The following SLC20A2 variants were observed in gnomAD, a reference collection of about 807,000 sequenced individuals.
SLC20A2 encodes the protein solute carrier family 20 member 2, also known as sodium-dependent phosphate transporter 2.
In SLC20A2, 30 loss-of-function variants were observed where a neutral mutation model predicts 61.0. That is an observed-to-expected ratio of 0.49 (90% CI 0.37 to 0.67). The LOEUF is 0.67. Ranked by LOEUF, SLC20A2 falls within the 30% of genes least tolerant of loss-of-function variation. The pLI is 0.00. For missense variants in SLC20A2, 626 were observed against 866.4 expected, an observed-to-expected ratio of 0.72 and a Z score of 3.48; for synonymous variants, 351 against 353.3, an observed-to-expected ratio of 0.99 and a Z score of 0.07.
chr8:42,437,526 C>A lies in SLC20A2; in HGVS notation c.986G>T (p.Gly329Val), dbSNP rs1485119662. Residue 329 changes from glycine to valine, a missense_variant, in exon 8 of 11, where the codon GGC (glycine) becomes GTC (valine). Gly to Val is a moderately radical substitution (Grantham distance 109). Transcript: ENST00000520262. This position sits in a 1 kb window ranked among gnomAD's most constrained non-coding sequence, Gnocchi z 6.4. ...HGSVKSPISN[G>V]TFGFDGHTRS... Reference sequence around the variant, plus strand: ...GGTGTGGCCGTCGAAGCCGAAGGTGCCGTTGGAGATGGGCGATTTCACAGA... The same window carrying A: ...GGTGTGGCCGTCGAAGCCGAAGGTGACGTTGGAGATGGGCGATTTCACAGA... 1.5e-5 allele frequency: 24 copies of A among 1,613,786 alleles called. No individual in the cohort carries two copies. The highest frequency in any genetic ancestry group is 2.0e-5 in the Non-Finnish European group (24 of 1,179,978).
chr8:42,491,290 G>A (rs1297759503), intron 1 of SLC20A2, among the ~76,000 whole-genome samples: 3 of 151,986 alleles, frequency 2.0e-5, no homozygotes, highest in South Asian at 2.1e-4. Flanking sequence ...TGAGGCGGGC[G>A]ATCACCAGGT....
intron 1 of SLC20A2, among the ~76,000 whole-genome samples, chr8:42,497,605 A>G (rs1810018991): frequency 6.6e-6 from 1 of 152,044 alleles, no homozygotes; most frequent in African/African-American, 2.4e-5. Flanking sequence ...ACACACATAT[A>G]CTTGAAGAAC....
intron 1 of SLC20A2, among the ~76,000 whole-genome samples, chr8:42,479,092 G>A (rs1256428350): frequency 6.6e-6 from 1 of 152,316 alleles, no homozygotes; most frequent in East Asian, 1.9e-4. Flanking sequence ...GCCTGCTCCA[G>A]GGCCAGCCTA....
At chr8:42,449,408 C>T (rs923634358) in intron 5 of SLC20A2, among the ~76,000 whole-genome samples, 2 of 152,202 alleles carry the variant, frequency 1.3e-5, no homozygotes, top group Non-Finnish European at 2.9e-5. Context: ...ATTCCAAATT[C>T]CCAAAAGATT....
rs569699060 is a variant in SLC20A2, at chr8:42,455,876, T to C, written c.613+4020A>G. On this transcript the variant is annotated intron_variant, in intron 5 of 10. Coordinates refer to ENST00000520262, the MANE Select transcript of SLC20A2 (RefSeq NM_001257180.2). ...CATTGCCCTGCCTCAGTTTCCCACCTGTAAAATGAGGTTATTTGTATTGCC... is the reference window on the plus strand; with the variant it reads ...CATTGCCCTGCCTCAGTTTCCCACCCGTAAAATGAGGTTATTTGTATTGCC... Among the ~76,000 whole-genome samples the C allele has an allele frequency of 2.4e-4, 37 of 152,294 alleles. No individual in the cohort carries two copies. In the South Asian group the frequency reaches 7.7e-3, roughly 32 times the overall value.
intron 3 of SLC20A2, among the ~76,000 whole-genome samples, chr8:42,464,923 C>T (rs749015611): frequency 6.6e-6 from 1 of 151,988 alleles, no homozygotes; most frequent in Non-Finnish European, 1.5e-5. Flanking sequence ...TGCAGTGAGC[C>T]GAGATTGCGC....
chr8:42,508,478 C>A (rs1437373032), intron 1 of SLC20A2, among the ~76,000 whole-genome samples: 1 of 152,226 alleles, frequency 6.6e-6, no homozygotes, highest in Non-Finnish European at 1.5e-5. Flanking sequence ...GCAGCCTCCA[C>A]TTCCCAGGTT....
chr8:42,473,699 A>G (rs1807831885), intron 1 of SLC20A2, among the ~76,000 whole-genome samples: 1 of 152,188 alleles, frequency 6.6e-6, no homozygotes, highest in Non-Finnish European at 1.5e-5. Flanking sequence ...ATTATTGGAG[A>G]GCCAAGGCAC....
upstream of SLC20A2, chr8:42,502,442 G>A (rs1810385092): frequency 1.3e-5 from 2 of 152,228 alleles, no homozygotes; most frequent in Non-Finnish European, 2.9e-5. Context: ...CTTGCAGACA[G>A]GTATCCTGCA....
At chr8:42,509,938 T>C (rs1001079094) in intron 1 of SLC20A2, among the ~76,000 whole-genome samples, 1 of 152,200 alleles carries the variant, frequency 6.6e-6, no homozygotes, top group Admixed American at 6.5e-5. Context: ...TTTATTACTA[T>C]GCAAGCTAAT....
At chr8:42,525,271 A>G (rs899220933) in intron 1 of SLC20A2, among the ~76,000 whole-genome samples, 1 of 152,160 alleles carries the variant, frequency 6.6e-6, no homozygotes, top group Non-Finnish European at 1.5e-5. Flanking sequence ...CGTATTATTA[A>G]GAGTCACATA....
chr8:42,459,185 A>G lies in SLC20A2; in HGVS notation c.613+711T>C, dbSNP rs570876312. ...TGGGAGGCGGAGGTTGCAGTTTTCC[A>G]AGATAGCGCGATTGCACTCCATCCT... On this transcript the variant is annotated intron_variant, in intron 5 of 10. Coordinates refer to ENST00000520262, the MANE Select transcript of SLC20A2 (RefSeq NM_001257180.2). Among the ~76,000 whole-genome samples, 10 of 148,124 alleles carry G rather than the reference A, an allele frequency of 6.8e-5. 1 individual carries two copies. The highest frequency in any genetic ancestry group is 6.0e-4 in the Admixed American group (9 of 14,906).
chr8:42,446,905 A>G (rs991902324), intron 5 of SLC20A2, among the ~76,000 whole-genome samples: 2 of 152,172 alleles, frequency 1.3e-5, no homozygotes, highest in African/African-American at 4.8e-5. Context: ...TATATATACT[A>G]TAAGAATGTC....
chr8:42,444,588 G>A, intron 6 of SLC20A2, 58 bp downstream of exon 6: 2 of 1,269,988 alleles, frequency 1.6e-6, no homozygotes, highest in Non-Finnish European at 2.3e-6. Flanking sequence ...CATGTTACAT[G>A]TGAGGTTTTG....
At chr8:42,504,396 G>A (rs1398605007), upstream of SLC20A2, among the ~76,000 whole-genome samples, 1 of 152,164 alleles carries the variant, frequency 6.6e-6, no homozygotes, top group Non-Finnish European at 1.5e-5. Context: ...CAGATGCTGG[G>A]AGAAATGGAG....
At chr8:42,435,172 A>C (rs1457981357) in intron 8 of SLC20A2, among the ~76,000 whole-genome samples, 1 of 152,166 alleles carries the variant, frequency 6.6e-6, no homozygotes, top group Non-Finnish European at 1.5e-5. Flanking sequence ...AATACCAAAT[A>C]AAATACCACA....
At chr8:42,469,711 C>T (rs1473069830) in intron 2 of SLC20A2, among the ~76,000 whole-genome samples, 4 of 152,076 alleles carry the variant, frequency 2.6e-5, no homozygotes, top group Non-Finnish European at 1.5e-5. Context: ...GGGAGGATCA[C>T]GAGGTCAGGA....
At chr8:42,517,540 T>A (rs949953005) in intron 1 of SLC20A2, among the ~76,000 whole-genome samples, 3 of 152,112 alleles carry the variant, frequency 2.0e-5, no homozygotes, top group Non-Finnish European at 4.4e-5. Context: ...GAAAATCTGA[T>A]GAAAGCCATA....
intron 3 of SLC20A2, among the ~76,000 whole-genome samples, chr8:42,464,283 CTTT>C (rs1190927976): frequency 6.2e-5 from 8 of 128,514 alleles, no homozygotes; most frequent in Non-Finnish European, 8.6e-5. Flanking sequence ...AATTTTCTTT[CTTT>C]TTTTTTTTTT....
Sources: gnomAD v4.1 joint callset for allele counts (sites outside exome capture counted in the v4.1 genomes callset) on GRCh38, gnomAD v4.1.1 for gene constraint, Gnocchi (gnomAD v3.1) non-coding constraint, MANE v1.5 for transcripts, NCBI Gene and HGNC (gene_info 2026-07-23, HGNC 2026-07-21) for gene names.